NTRK2: variants seen among roughly 807,000 people sequenced by gnomAD.
The protein encoded by NTRK2 is BDNF/NT-3 growth factors receptor.
In NTRK2, 13 loss-of-function variants were observed where a neutral mutation model predicts 94.5. The ratio of observed to expected loss-of-function variants is 0.14; its 90% CI spans 0.09 to 0.22. The LOEUF is 0.22. Ranked by LOEUF, NTRK2 falls within the 10% of genes least tolerant of loss-of-function variation. The pLI is 1.00. For synonymous variants in NTRK2, 372 were observed against 407.4 expected, an observed-to-expected ratio of 0.91 and a Z score of 1.05; for missense variants, 639 against 1,071.2, an observed-to-expected ratio of 0.60 and a Z score of 5.63.
intron 12 of NTRK2, among the ~76,000 whole-genome samples, chr9:84,848,399 T>C (rs2074577524): frequency 6.6e-6 from 1 of 152,192 alleles, no homozygotes; most frequent in African/African-American, 2.4e-5. Context: ...TGAGAATAAA[T>C]GTACCCAGGT....
At chr9:84,825,118 T>C (rs1253465327) in intron 12 of NTRK2, among the ~76,000 whole-genome samples, 1 of 152,036 alleles carries the variant, frequency 6.6e-6, no homozygotes, top group Non-Finnish European at 1.5e-5. Flanking sequence ...TTCCTCTCCC[T>C]GGGCTCTTGA....
chr9:84,672,256 C>T (rs3824517), intron 2 of NTRK2, among the ~76,000 whole-genome samples: 4,022 of 152,260 alleles, frequency 0.026, 72 homozygotes, highest in Admixed American at 0.044. Context: ...GAAATGACAG[C>T]AGAGCAGAGG....
At chr9:84,691,558 G>A (rs1187998064) in intron 2 of NTRK2, among the ~76,000 whole-genome samples, 2 of 152,092 alleles carry the variant, frequency 1.3e-5, no homozygotes, top group Non-Finnish European at 2.9e-5. Context: ...AACCAAACAA[G>A]CAGATGGTGG....
chr9:84,711,772 A>G (rs552523736), intron 6 of NTRK2, among the ~76,000 whole-genome samples: 102 of 152,188 alleles, frequency 6.7e-4, no homozygotes, highest in Non-Finnish European at 1.2e-3. Flanking sequence ...GGAATGCGAT[A>G]AAAATAAAGA....
chr9:84,922,308 G>T (rs1296620790), intron 14 of NTRK2, among the ~76,000 whole-genome samples: 1 of 152,184 alleles, frequency 6.6e-6, no homozygotes, highest in African/African-American at 2.4e-5. Context: ...TTCAAGTTCT[G>T]CTCAGCTTAC....
At chr9:84,898,593 G>A (rs1201012237) in intron 14 of NTRK2, among the ~76,000 whole-genome samples, 2 of 151,526 alleles carry the variant, frequency 1.3e-5, no homozygotes, top group African/African-American at 4.9e-5. Flanking sequence ...GGCAACCAAA[G>A]CCCAGGGATT....
At chr9:84,784,591 C>T (rs1022383158) in intron 12 of NTRK2, among the ~76,000 whole-genome samples, 1 of 152,170 alleles carries the variant, frequency 6.6e-6, no homozygotes, top group Non-Finnish European at 1.5e-5. Flanking sequence ...GACAGAGGAC[C>T]TCCATTCAGA....
intron 17 of NTRK2, among the ~76,000 whole-genome samples, chr9:84,957,902 T>C (rs140835963): frequency 6.6e-6 from 1 of 152,338 alleles, no homozygotes. Flanking sequence ...TGGAATATTA[T>C]TCAGCAGTAC....
At chr9:85,008,470 A>G (rs10115908) in intron 17 of NTRK2, among the ~76,000 whole-genome samples, 72,805 of 151,694 alleles carry the variant, frequency 0.48, 17,988 homozygotes, top group Middle Eastern at 0.58. Context: ...ATGTGTTGAA[A>G]TGGACTGAAA....
chr9:84,697,257 C>T (rs1461949951), intron 2 of NTRK2, among the ~76,000 whole-genome samples: 2 of 152,084 alleles, frequency 1.3e-5, no homozygotes, highest in Non-Finnish European at 2.9e-5. Flanking sequence ...CCGTGGACCT[C>T]GTGAGATTCC....
At chr9:84,909,234 T>G (rs995996539) in intron 14 of NTRK2, among the ~76,000 whole-genome samples, 1 of 152,154 alleles carries the variant, frequency 6.6e-6, no homozygotes, top group Non-Finnish European at 1.5e-5. Flanking sequence ...TCTATCAAGG[T>G]GGTTGTGTGT....
chr9:84,790,458 T>G (rs573194662), intron 12 of NTRK2, among the ~76,000 whole-genome samples: 2 of 152,144 alleles, frequency 1.3e-5, no homozygotes, highest in African/African-American at 4.8e-5. Flanking sequence ...AGTCCTGGCT[T>G]GGGTGAGGGA....
intron 17 of NTRK2, among the ~76,000 whole-genome samples, chr9:84,971,336 A>G (rs1023019510): frequency 1.3e-5 from 2 of 152,222 alleles, no homozygotes; most frequent in East Asian, 1.9e-4. Flanking sequence ...ACATTTATCA[A>G]ATAATTCCAC....
chr9:84,745,835 A>G (rs2064020969), intron 11 of NTRK2, among the ~76,000 whole-genome samples: 2 of 152,128 alleles, frequency 1.3e-5, no homozygotes, highest in Non-Finnish European at 2.9e-5. Flanking sequence ...GCCAGGTTGT[A>G]GGTCTTGACA....
upstream of NTRK2, chr9:84,669,493 G>A (rs2058561192): frequency 6.6e-6 from 1 of 152,492 alleles, no homozygotes; most frequent in African/African-American, 2.4e-5. This position sits in a 1 kb window ranked among gnomAD's most constrained non-coding sequence, Gnocchi z 4.1. Flanking sequence ...TACACGGCCA[G>A]GATGTGTGCG....
chr9:84,759,306 A>G (rs555360435), intron 12 of NTRK2, among the ~76,000 whole-genome samples: 1 of 152,354 alleles, frequency 6.6e-6, no homozygotes, highest in Admixed American at 6.5e-5. Flanking sequence ...AGAGCAGAAG[A>G]TGCTTATTCT....
intron 12 of NTRK2, among the ~76,000 whole-genome samples, chr9:84,798,940 A>G (rs11140760): frequency 8.5e-6 from 1 of 117,804 alleles, no homozygotes; most frequent in African/African-American, 2.8e-5. Flanking sequence ...ATATATATAT[A>G]TGCTTATTTA....
At chr9:84,906,465 G>C (rs1048071833) in intron 14 of NTRK2, among the ~76,000 whole-genome samples, 1 of 152,218 alleles carries the variant, frequency 6.6e-6, no homozygotes, top group Non-Finnish European at 1.5e-5. Flanking sequence ...GACTGCTAGG[G>C]TATGGGTTGA....
chr9:84,716,352 G>A (rs533487989), intron 6 of NTRK2, among the ~76,000 whole-genome samples: 1 of 152,222 alleles, frequency 6.6e-6, no homozygotes, highest in Non-Finnish European at 1.5e-5. Context: ...GAGAGGCCGG[G>A]TTCCTTGAGA....
Sources: allele counts gnomAD v4.1 joint callset (sites outside exome capture counted in the v4.1 genomes callset), GRCh38; gene constraint gnomAD v4.1.1; non-coding constraint Gnocchi (gnomAD v3.1); transcripts MANE v1.5; gene names NCBI Gene and HGNC (gene_info 2026-07-23, HGNC 2026-07-21).